Variants in VDR observed in about 807,000 individuals in gnomAD.
VDR encodes the protein vitamin D3 receptor.
A neutral mutation model predicts 39.7 loss-of-function variants in VDR; 19 were observed. The observed-to-expected ratio is 0.48, with a 90% CI of 0.33 to 0.70. The LOEUF (loss-of-function observed/expected upper bound fraction) is 0.70. Ranked by LOEUF, VDR falls within the 30% of genes least tolerant of loss-of-function variation. The pLI, the probability that VDR is intolerant of heterozygous loss-of-function variation, is 0.02. For missense variants in VDR, 442 were observed against 570.5 expected (o/e 0.77, Z 2.29); for synonymous variants, 242 against 215.8 (o/e 1.12, Z -1.07).
chr12:47,847,279 C>T (rs1322293284), intron 7 of VDR, among the ~76,000 whole-genome samples: 1 of 152,150 alleles, frequency 6.6e-6, no homozygotes, highest in Non-Finnish European at 1.5e-5. Flanking sequence ...TATTCCCACT[C>T]CTACCAGGAG....
rs951305727 is a variant in VDR, at chr12:47,844,223, GAAT to G, written c.*520_*522del. On this transcript the variant is annotated 3_prime_UTR_variant, in exon 10 of 10. Coordinates refer to ENST00000549336, the MANE Select transcript of VDR (RefSeq NM_000376.3). ...ACCTCACCACAGCTACTGCCCGTGA[GAAT>G]ATAACCAGGGCAATGGGATGTTGGT... 8 of 192,748 alleles carry G rather than the reference GAAT, an allele frequency of 4.2e-5. No homozygotes were observed. The highest frequency in any genetic ancestry group is 2.7e-4 in the Admixed American group (5 of 18,756). 11.9% of individuals were successfully genotyped at this position (192,748 alleles called of 1,614,324 possible). A position where few individuals can be genotyped will look rare whatever the true frequency, so the allele number is the denominator to read the frequency against.
At chr12:47,856,687 G>A (rs558779909) in intron 6 of VDR, among the ~76,000 whole-genome samples, 1 of 151,830 alleles carries the variant, frequency 6.6e-6, no homozygotes, top group South Asian at 2.1e-4. Flanking sequence ...CTGAGCTGGA[G>A]GGGACAGGTC....
At chr12:47,875,568 A>G (rs1592131815) in intron 3 of VDR, among the ~76,000 whole-genome samples, 1 of 152,366 alleles carries the variant, frequency 6.6e-6, no homozygotes, top group South Asian at 2.1e-4. Flanking sequence ...AAAACTTCCA[A>G]ATAAAATTTG....
intron 2 of VDR, 21 bp downstream of exon 2, chr12:47,882,673 G>A (rs1038086426): frequency 3.9e-5 from 57 of 1,449,846 alleles, no homozygotes; most frequent in Admixed American, 3.4e-4. Flanking sequence ...GGGAAGTTGC[G>A]GCTGATGAGG....
intron 1 of VDR, among the ~76,000 whole-genome samples, chr12:47,883,968 C>G (rs35132139): frequency 6.6e-6 from 1 of 152,268 alleles, no homozygotes; most frequent in Admixed American, 6.5e-5. Context: ...GAAGCATGGG[C>G]AGTGGGAGGT....
intron 1 of VDR, chr12:47,901,476 A>G (rs1439949122): frequency 1.6e-4 from 25 of 155,684 alleles, no homozygotes; most frequent in Non-Finnish European, 4.4e-5. Context: ...GGCAAACTCT[A>G]GTGTCTTTGG....
intron 1 of VDR, among the ~76,000 whole-genome samples, chr12:47,894,878 C>T (rs1434305838): frequency 1.3e-5 from 2 of 152,190 alleles, no homozygotes; most frequent in Non-Finnish European, 2.9e-5. Context: ...CCTGCCACAC[C>T]TGCCTCCACC....
chr12:47,885,047 C>T (rs1337260336), intron 1 of VDR, among the ~76,000 whole-genome samples: 6 of 152,142 alleles, frequency 3.9e-5, no homozygotes, highest in African/African-American at 9.7e-5. Flanking sequence ...TGCTTAATAC[C>T]TGCCCTCTGC....
chr12:47,849,359 C>A (rs540375241), intron 7 of VDR, among the ~76,000 whole-genome samples: 6 of 152,290 alleles, frequency 3.9e-5, no homozygotes, highest in African/African-American at 1.4e-4. Context: ...ATGGCTCCTA[C>A]ATAACCTCTG....
intron 4 of VDR, 142 bp from the exon 5 acceptor site, chr12:47,857,830 TC>T: frequency 1.2e-6 from 1 of 847,134 alleles, no homozygotes; most frequent in Non-Finnish European, 1.8e-6. Flanking sequence ...CCACGGAGAC[TC>T]CCACTCCACT....
chr12:47,869,089 G>A (rs1245357025), intron 3 of VDR, among the ~76,000 whole-genome samples: 2 of 152,226 alleles, frequency 1.3e-5, no homozygotes, highest in African/African-American at 4.8e-5. Flanking sequence ...CAGCTGCAGG[G>A]TTGCCTGAAA....
chr12:47,870,922 T>C (rs531566211), intron 3 of VDR, among the ~76,000 whole-genome samples: 4 of 152,326 alleles, frequency 2.6e-5, no homozygotes, highest in African/African-American at 7.2e-5. Flanking sequence ...ACCATGTCTA[T>C]CTGTCAATTA....
intron 4 of VDR, among the ~76,000 whole-genome samples, chr12:47,862,207 A>G (rs1177525874): frequency 1.3e-5 from 2 of 152,246 alleles, no homozygotes; most frequent in East Asian, 3.8e-4. Context: ...TTCCCAGGGT[A>G]TAAAGTCAAC....
intron 2 of VDR, among the ~76,000 whole-genome samples, chr12:47,880,651 C>A (rs936309851): frequency 5.9e-5 from 9 of 151,998 alleles, no homozygotes; most frequent in African/African-American, 9.7e-5. Flanking sequence ...CCTCATTTAG[C>A]TTTTCTTTTC....
At chr12:47,846,481 G>T (rs775516479) in intron 8 of VDR, 30 bp from the exon 9 acceptor site, 1 of 1,556,838 alleles carries the variant, frequency 6.4e-7, no homozygotes, top group Non-Finnish European at 8.7e-7. Context: ...GGTACTGCGG[G>T]CAGAGCTGAG....
At chr12:47,875,660 A>G (rs145995614) in intron 3 of VDR, among the ~76,000 whole-genome samples, 2 of 152,214 alleles carry the variant, frequency 1.3e-5, no homozygotes, top group Non-Finnish European at 2.9e-5. Context: ...CTCATTATTC[A>G]TGGTAGTTAT....
At chr12:47,859,923 T>TTCTTTC (rs1555151337) in intron 4 of VDR, among the ~76,000 whole-genome samples, 575 of 50,560 alleles carry the variant, frequency 0.011, 41 homozygotes, top group African/African-American at 0.023. Flanking sequence ...CCTTCTTTCT[T>TTCTTTC]TTTCTTTCTT....
At chr12:47,890,792 G>A (rs913135948) in intron 1 of VDR, among the ~76,000 whole-genome samples, 1 of 152,172 alleles carries the variant, frequency 6.6e-6, no homozygotes, top group African/African-American at 2.4e-5. Flanking sequence ...GAGACAAAAT[G>A]GCTAAAATGA....
intron 3 of VDR, among the ~76,000 whole-genome samples, chr12:47,871,292 C>CTGTTTCTTTCTT (rs754929705): frequency 1.3e-5 from 1 of 79,854 alleles, no homozygotes; most frequent in Non-Finnish European, 2.5e-5. Context: ...CTTTCTCTTT[C>CTGTTTCTTTCTT]TCTTTCTTTC....
Sources: allele counts gnomAD v4.1 joint callset (sites outside exome capture counted in the v4.1 genomes callset), GRCh38; gene constraint gnomAD v4.1.1; transcripts MANE v1.5; gene names NCBI Gene and HGNC (gene_info 2026-07-23, HGNC 2026-07-21).